Variants in RANGAP1 observed in about 807,000 individuals in gnomAD.
RANGAP1 encodes Ran GTPase activating protein 1.
Under a neutral mutation model 63.5 loss-of-function variants are expected in RANGAP1, and 38 were observed. The observed-to-expected ratio is 0.60, with a 90% CI of 0.46 to 0.78. The LOEUF (loss-of-function observed/expected upper bound fraction) is 0.78. RANGAP1 is among the 30% of genes least tolerant of loss of function. RANGAP1 has a pLI of 0.00. For missense variants in RANGAP1, 630 were observed against 740.3 expected (o/e 0.85, Z 1.73); for synonymous variants, 329 against 310.5 (o/e 1.06, Z -0.63).
intron 12 of RANGAP1, 64 bp from the exon 13 acceptor site, chr22:41,251,173 G>T: frequency 7.4e-7 from 1 of 1,348,278 alleles, no homozygotes; most frequent in Non-Finnish European, 1.1e-6. Flanking sequence ...GGGCTCTGAC[G>T]CTAGCTAGGA....
In RANGAP1 at chr22:41,257,910, C is replaced by A. The variant is rs376024759; in HGVS notation, c.774+38G>T. The A allele has an allele frequency of 2.8e-4, 440 of 1,560,432 alleles. 3 individuals carry two copies. In the African/African-American group the frequency reaches 5.4e-3, roughly 19 times the overall value. On this transcript the variant is annotated intron_variant, in intron 7 of 15. Coordinates refer to ENST00000356244, the MANE Select transcript of RANGAP1 (RefSeq NM_002883.4). This position sits in a 1 kb window ranked among gnomAD's most constrained non-coding sequence, Gnocchi z 4.0. ...TGGAAAGACAGCAGCCAGCCTCTATCTGGCGGGGCCCAACTGGCTCTGCCA... is the reference window on the plus strand; with the variant it reads ...TGGAAAGACAGCAGCCAGCCTCTATATGGCGGGGCCCAACTGGCTCTGCCA...
chr22:41,279,688 G>C (rs921511017), intron 2 of RANGAP1, among the ~76,000 whole-genome samples: 1 of 151,452 alleles, frequency 6.6e-6, no homozygotes, highest in Non-Finnish European at 1.5e-5. Context: ...TGCAGTCCCA[G>C]CTATTTGGGA....
chr22:41,265,617 C>T (rs1031337305), intron 4 of RANGAP1, among the ~76,000 whole-genome samples: 2 of 152,168 alleles, frequency 1.3e-5, no homozygotes, highest in South Asian at 4.1e-4. Flanking sequence ...CTCTAAGCCA[C>T]GGCCAGGATC....
intron 1 of RANGAP1, among the ~76,000 whole-genome samples, chr22:41,284,543 G>A (rs990018085): frequency 2.6e-5 from 4 of 151,658 alleles, no homozygotes; most frequent in African/African-American, 9.7e-5. Context: ...CTCCAACGTG[G>A]GCAACAAGAG....
At chr22:41,251,350 G>T (rs994613973) in intron 12 of RANGAP1, among the ~76,000 whole-genome samples, 1 of 152,234 alleles carries the variant, frequency 6.6e-6, no homozygotes, top group African/African-American at 2.4e-5. Flanking sequence ...TCCCAGCCGG[G>T]TGTGGCGGCT....
intron 10 of RANGAP1, 168 bp from the exon 11 acceptor site, chr22:41,254,662 C>T: frequency 1.2e-5 from 12 of 984,260 alleles, no homozygotes; most frequent in Non-Finnish European, 1.4e-5. Context: ...CCAGGGAAAT[C>T]CATGCTGTGG....
Position 41,249,824 on chromosome 22 carries a change from G to C in RANGAP1, c.1484-7C>G. On this transcript the variant is annotated splice_region_variant and splice_polypyrimidine_tract_variant and intron_variant, in intron 13 of 15. Transcript: ENST00000356244. ...GCCTTCTGCATCAGGGCATCTGTAG[G>C]GCAGAAGCAGCAGGGGCAGGCTGCT... 1.2e-6 allele frequency: 2 copies of C among 1,611,494 alleles called. No individual in the cohort carries two copies. The highest frequency in any genetic ancestry group is 1.7e-6 in the Non-Finnish European group (2 of 1,177,630).
chr22:41,248,823 T>C (rs1202211363), intron 15 of RANGAP1, among the ~76,000 whole-genome samples: 1 of 152,210 alleles, frequency 6.6e-6, no homozygotes, highest in Non-Finnish European at 1.5e-5. Flanking sequence ...GTTCACACAT[T>C]GCTGGGCATT....
chr22:41,281,205 A>G, intron 1 of RANGAP1, 123 bp from the exon 2 acceptor site: 1 of 1,152,130 alleles, frequency 8.7e-7, no homozygotes, highest in South Asian at 1.7e-5. Flanking sequence ...GACCCTAGAG[A>G]TAAATCACTG....
intron 15 of RANGAP1, among the ~76,000 whole-genome samples, chr22:41,248,888 C>T (rs894284305): frequency 2.6e-5 from 4 of 152,224 alleles, no homozygotes; most frequent in African/African-American, 9.7e-5. Context: ...GCTGCAGAGC[C>T]TGGTGTGACC....
rs557493445 is a variant in RANGAP1 at position 41,256,871 on chromosome 22, C to T, written c.775-47G>A. 6.1e-5 allele frequency: 93 copies of T among 1,526,670 alleles called. 1 individual carries two copies. In the South Asian group the frequency reaches 1.0e-3, roughly 17 times the overall value. The allele number at this position is 1,526,670 out of a possible 1,614,324, so 94.6% of individuals were successfully genotyped here. A position where few individuals can be genotyped will look rare whatever the true frequency, so the allele number is the denominator to read the frequency against. ...CCAGAGTGAGGGTGCAGACCACACC[C>T]CAGCCCTCAGCAAGCCCCGGGGGCC... On this transcript the variant is annotated intron_variant, in intron 7 of 15. Coordinates refer to ENST00000356244, the MANE Select transcript of RANGAP1 (RefSeq NM_002883.4).
At chr22:41,294,099 C>G in the RANGAP1 span, among the ~76,000 whole-genome samples, 76 of 152,236 alleles carry the variant, frequency 5.0e-4, no homozygotes, top group Non-Finnish European at 9.6e-4. Context: ...CCTCTGATGC[C>G]GAGCCGAAGC....
chr22:41,300,031 G>A, the RANGAP1 span, among the ~76,000 whole-genome samples: 8 of 151,048 alleles, frequency 5.3e-5, no homozygotes, highest in East Asian at 2.0e-4. Flanking sequence ...GATTATAGGC[G>A]TGAGCTACCG....
chr22:41,294,197 G>A, the RANGAP1 span, among the ~76,000 whole-genome samples: 6 of 152,238 alleles, frequency 3.9e-5, no homozygotes, highest in African/African-American at 1.2e-4. Flanking sequence ...GATTGAAGGC[G>A]TGCGCCGCCA....
the RANGAP1 span, among the ~76,000 whole-genome samples, chr22:41,294,445 C>T: frequency 2.3e-4 from 35 of 151,610 alleles, no homozygotes; most frequent in Admixed American, 1.9e-3. Context: ...CCCAAAGTGC[C>T]GAGATTGCAG....
the RANGAP1 span, among the ~76,000 whole-genome samples, chr22:41,296,434 G>A: frequency 6.6e-6 from 1 of 151,968 alleles, no homozygotes; most frequent in African/African-American, 2.4e-5. Context: ...ATCACCTGAG[G>A]TCAGGAGTTC....
At chr22:41,267,510 G>A (rs1447886859) in intron 4 of RANGAP1, among the ~76,000 whole-genome samples, 4 of 152,102 alleles carry the variant, frequency 2.6e-5, no homozygotes, top group Admixed American at 6.5e-5. Flanking sequence ...CTCTTCCCTT[G>A]GCCAGGCATG....
At chr22:41,280,177 G>A (rs928181299) in intron 2 of RANGAP1, among the ~76,000 whole-genome samples, 14 of 152,106 alleles carry the variant, frequency 9.2e-5, no homozygotes, top group African/African-American at 2.7e-4. Context: ...GCATCAGCAC[G>A]CTCCCAGCTA....
intron 3 of RANGAP1, among the ~76,000 whole-genome samples, chr22:41,274,226 T>G (rs895226509): frequency 7.2e-5 from 11 of 152,252 alleles, no homozygotes; most frequent in African/African-American, 2.7e-4. Flanking sequence ...GGGCAATCTT[T>G]GCTCTGAAAC....
Sources: gnomAD v4.1 joint callset for allele counts (sites outside exome capture counted in the v4.1 genomes callset) on GRCh38, gnomAD v4.1.1 for gene constraint, Gnocchi (gnomAD v3.1) non-coding constraint, MANE v1.5 for transcripts, NCBI Gene and HGNC (gene_info 2026-07-23, HGNC 2026-07-21) for gene names.